Variants in MSI2 observed in about 807,000 individuals in gnomAD.
MSI2 encodes the protein musashi RNA binding protein 2, also known as RNA-binding protein Musashi homolog 2.
In MSI2, 17 loss-of-function variants were observed where a neutral mutation model predicts 45.6. The ratio of observed to expected loss-of-function variants is 0.37; its 90% confidence interval spans 0.26 to 0.56. The LOEUF (loss-of-function observed/expected upper bound fraction) is 0.56. MSI2 is among the 20% of genes least tolerant of loss of function. The pLI, the probability that MSI2 is intolerant of heterozygous loss-of-function variation, is 0.77. For missense variants in MSI2, 293 were observed against 444.2 expected, an observed-to-expected ratio of 0.66 and a Z score of 3.06; for synonymous variants, 156 against 158.2, an observed-to-expected ratio of 0.99 and a Z score of 0.11.
At chr17:57,422,089 AT>A (rs1408154329) in intron 6 of MSI2, among the ~76,000 whole-genome samples, 1 of 152,212 alleles carries the variant, frequency 6.6e-6, no homozygotes, top group East Asian at 1.9e-4. Flanking sequence ...GTGATAGTAA[AT>A]ACCAGGTATT....
At chr17:57,523,954 AG>A (rs756853448) in intron 6 of MSI2, among the ~76,000 whole-genome samples, 10 of 152,204 alleles carry the variant, frequency 6.6e-5, no homozygotes, top group Admixed American at 1.3e-4. Context: ...CCAAAACTTC[AG>A]GGGCAGGCAG....
At chr17:57,482,410 C>A (rs929131507) in intron 6 of MSI2, among the ~76,000 whole-genome samples, 1 of 152,222 alleles carries the variant, frequency 6.6e-6, no homozygotes, top group Non-Finnish European at 1.5e-5. Context: ...TCTTCCCAGA[C>A]TTACTTTTGT....
chr17:57,438,306 G>A (rs962155660), intron 6 of MSI2, among the ~76,000 whole-genome samples: 2 of 152,144 alleles, frequency 1.3e-5, no homozygotes, highest in Non-Finnish European at 2.9e-5. Context: ...CTCCCCCCAG[G>A]GGGAGTTCAG....
chr17:57,548,907 C>T (rs1358197802), intron 7 of MSI2, among the ~76,000 whole-genome samples: 1 of 113,608 alleles, frequency 8.8e-6, no homozygotes, highest in African/African-American at 3.5e-5. Context: ...TTCCCCCCCC[C>T]ACCCCCCCGC....
chr17:57,374,486 A>G (rs932419090), intron 5 of MSI2, among the ~76,000 whole-genome samples: 2 of 152,290 alleles, frequency 1.3e-5, no homozygotes, highest in Non-Finnish European at 1.5e-5. Context: ...CAAAATTTAA[A>G]AAGATGCTTG....
In MSI2 at chr17:57,652,362, C is replaced by G. The variant is rs542607504; in HGVS notation, c.790+201C>G. Among the ~76,000 whole-genome samples, 1 of 152,100 alleles carries G rather than the reference C, an allele frequency of 6.6e-6. No homozygotes were observed. The highest frequency in any genetic ancestry group is 2.4e-5 in the African/African-American group (1 of 41,478). On this transcript the variant is annotated intron_variant, in intron 11 of 13. Transcript: ENST00000284073. The surrounding 1 kb of genome is among the most constrained non-coding windows in gnomAD (Gnocchi z 4.1). The stretch of plus-strand genomic sequence containing the variant: ...CCAGGGCACTTGTAGTGGGGTCAGT[C>G]ACAGTCATGGGACTGCAAACTAAAG...
intron 10 of MSI2, chr17:57,628,446 CA>C (rs1288734018): frequency 6.6e-6 from 1 of 152,216 alleles, no homozygotes; most frequent in Non-Finnish European, 1.5e-5. Context: ...CATTTGGGGG[CA>C]CCTAGAGCCG....
intron 5 of MSI2, among the ~76,000 whole-genome samples, chr17:57,323,155 G>A (rs1343107592): frequency 6.6e-6 from 1 of 152,052 alleles, no homozygotes; most frequent in African/African-American, 2.4e-5. Context: ...AAAAAGAAAG[G>A]GAGCAGCTGA....
intron 5 of MSI2, chr17:57,264,228 A>G (rs1907572569): frequency 6.6e-6 from 1 of 152,042 alleles, no homozygotes; most frequent in Admixed American, 6.6e-5. Context: ...AGCTGTGTGA[A>G]TTTGAACAGG....
At chr17:57,263,901 T>A (rs1172671361) in intron 5 of MSI2, 1 of 152,196 alleles carries the variant, frequency 6.6e-6, no homozygotes, top group Non-Finnish European at 1.5e-5. Context: ...TCTAGGGATT[T>A]AATAATAACA....
chr17:57,501,227 T>G (rs2086100075), intron 6 of MSI2, among the ~76,000 whole-genome samples: 1 of 152,008 alleles, frequency 6.6e-6, no homozygotes, highest in Non-Finnish European at 1.5e-5. Flanking sequence ...CCTGCTAGGG[T>G]CCAAGCTGAC....
chr17:57,630,589 G>A (rs1909274642), intron 10 of MSI2: 1 of 152,258 alleles, frequency 6.6e-6, no homozygotes, highest in Non-Finnish European at 1.5e-5. Flanking sequence ...GAGAAGCCAG[G>A]CTAGGGTCAG....
intron 5 of MSI2, among the ~76,000 whole-genome samples, chr17:57,297,009 G>A (rs1203522654): frequency 2.6e-5 from 4 of 152,022 alleles, no homozygotes; most frequent in Non-Finnish European, 5.9e-5. Context: ...TGGGTAGCTG[G>A]GACTACAGGC....
chr17:57,398,151 G>A (rs1375074317), intron 5 of MSI2, among the ~76,000 whole-genome samples: 1 of 152,148 alleles, frequency 6.6e-6, no homozygotes, highest in Non-Finnish European at 1.5e-5. Flanking sequence ...ACCAGTTATT[G>A]GGGAATGAAC....
chr17:57,632,891 T>C, intron 10 of MSI2: 2 of 1,062,108 alleles, frequency 1.9e-6, no homozygotes, highest in Non-Finnish European at 1.1e-6. Flanking sequence ...TCATTAAAGA[T>C]GCTTGATGTA....
intron 5 of MSI2, among the ~76,000 whole-genome samples, chr17:57,291,105 C>T (rs763685501): frequency 7.2e-5 from 11 of 152,192 alleles, no homozygotes; most frequent in African/African-American, 2.2e-4. Flanking sequence ...GCATCCCATA[C>T]TCAATTCTGC....
intron 8 of MSI2, among the ~76,000 whole-genome samples, chr17:57,599,416 G>A (rs1383330780): frequency 6.6e-6 from 1 of 152,134 alleles, no homozygotes; most frequent in East Asian, 1.9e-4. Flanking sequence ...CAGATAACCC[G>A]GGCAGCAATC....
At chr17:57,636,165 G>A (rs1002298687) in intron 10 of MSI2, among the ~76,000 whole-genome samples, 2 of 152,134 alleles carry the variant, frequency 1.3e-5, no homozygotes, top group African/African-American at 4.8e-5. Context: ...GTCCGTCTTA[G>A]CCTGAGGGGT....
At chr17:57,261,189 T>C (rs1907272965) in intron 4 of MSI2, among the ~76,000 whole-genome samples, 1 of 152,208 alleles carries the variant, frequency 6.6e-6, no homozygotes, top group Admixed American at 6.5e-5. Context: ...ATTCACATGC[T>C]TCCAGGAGAA....
Sources: allele counts gnomAD v4.1 joint callset (sites outside exome capture counted in the v4.1 genomes callset), GRCh38; gene constraint gnomAD v4.1.1; non-coding constraint Gnocchi (gnomAD v3.1); transcripts MANE v1.5; gene names NCBI Gene and HGNC (gene_info 2026-07-23, HGNC 2026-07-21).